Variants in VPS35 observed in about 807,000 individuals in gnomAD.
VPS35 encodes the protein vacuolar protein sorting-associated protein 35.
VPS35 carries 21 observed loss-of-function variants against 98.1 expected under a neutral mutation model. That is an observed-to-expected ratio of 0.21 (90% CI 0.15 to 0.31). The LOEUF is 0.31. VPS35 is among the 10% of genes least tolerant of loss of function. VPS35 has a pLI of 1.00. For synonymous variants in VPS35, 268 were observed against 318.2 expected, an observed-to-expected ratio of 0.84 and a Z score of 1.68; for missense variants, 554 against 950.8, an observed-to-expected ratio of 0.58 and a Z score of 5.49.
At position 46,657,980 on chromosome 16, in the gene VPS35, A is replaced by G. The variant is rs867577072; in HGVS notation, c.*2492T>C. ...TTACTAAAAAAGGAGAACAGGGAAT[A>G]GCAGACACACAAAGCACAAAGCCAA... On this transcript the variant is annotated 3_prime_UTR_variant, in exon 17 of 17. Coordinates refer to ENST00000299138, the MANE Select transcript of VPS35 (RefSeq NM_018206.6). The G allele has an allele frequency of 2.0e-5, 3 of 152,370 alleles. No individual in the cohort carries two copies. The highest frequency in any genetic ancestry group is 3.4e-3 in the Middle Eastern group (1 of 294). The allele number at this position is 152,370 out of a possible 1,614,324, so 9.4% of individuals were successfully genotyped here.
Position 46,660,189 on chromosome 16 carries a change from G to GTTTTT in VPS35, c.*282_*283insAAAAA, listed in dbSNP as rs369756092. 9.3e-3 allele frequency: 916 copies of GTTTTT among 98,292 alleles called. 190 individuals carry two copies. The highest frequency in any genetic ancestry group is 0.016 in the East Asian group (43 of 2,630). 6.1% of individuals were successfully genotyped at this position (98,292 alleles called of 1,614,324 possible). A position where few individuals can be genotyped will look rare whatever the true frequency, so the allele number is the denominator to read the frequency against. ...GCCAAGATAAGTGCTTGTGGGTTTT[G>GTTTTT]TGTTTTTTTTTTTTTTTTTTTTTAC... On this transcript the variant is annotated 3_prime_UTR_variant, in exon 17 of 17. Transcript: ENST00000299138.
chr16:46,659,773 T>C lies in VPS35; in HGVS notation c.*699A>G, dbSNP rs894312500. The C allele has an allele frequency of 1.3e-5, 2 of 152,162 alleles. No individual in the cohort carries two copies. The highest frequency in any genetic ancestry group is 4.8e-5 in the African/African-American group (2 of 41,444). The allele number at this position is 152,162 out of a possible 1,614,324, so 9.4% of individuals were successfully genotyped here. A position where few individuals can be genotyped will look rare whatever the true frequency, so the allele number is the denominator to read the frequency against. On this transcript the variant is annotated 3_prime_UTR_variant, in exon 17 of 17. Transcript: ENST00000299138. ...ATTTACAATGAAGGTGATACATAAA[T>C]TATATAGATCACAAGTTTTCTTTTA...
intron 2 of VPS35, chr16:46,682,897 A>G (rs1249132970): frequency 6.4e-6 from 1 of 155,378 alleles, no homozygotes; most frequent in Admixed American, 6.3e-5. Context: ...AGTACTAACC[A>G]ATTTGGCTCA....
intron 2 of VPS35, chr16:46,683,067 A>G (rs1390699188): frequency 3.5e-5 from 6 of 169,680 alleles, no homozygotes; most frequent in Non-Finnish European, 7.7e-5. Flanking sequence ...AAAGTTTTCA[A>G]GATATTTAGA....
At position 46,688,980 on chromosome 16, in the gene VPS35, C is replaced by G. The variant is rs781613448; in HGVS notation, c.3+151G>C. 4.6e-6 allele frequency: 7 copies of G among 1,527,532 alleles called. No homozygotes were observed. The South Asian group carries it at 8.4e-5, about 18-fold the overall frequency. The allele number at this position is 1,527,532 out of a possible 1,614,324, so 94.6% of individuals were successfully genotyped here. A position where few individuals can be genotyped will look rare whatever the true frequency, so the allele number is the denominator to read the frequency against. On this transcript the variant is annotated intron_variant, in intron 1 of 16. Coordinates refer to ENST00000299138, the MANE Select transcript of VPS35 (RefSeq NM_018206.6). ...CAGCCTGCCCGCGGCCTTCCTCCTG[C>G]TGTCCCCTATCCCGCAGGCCAAATC...
rs916662253 is a variant in VPS35, at chr16:46,688,033, G to A, written c.3+1098C>T. Among the ~76,000 whole-genome samples, 3 of 152,172 alleles carry A rather than the reference G, an allele frequency of 2.0e-5. No individual in the cohort carries two copies. The East Asian group carries it at 5.8e-4, about 29-fold the overall frequency. ...CACAAATCCTAAAGTTAAATTTTGC[G>A]CCGGTCTTGTATCAATTCCCAATTA... On this transcript the variant is annotated intron_variant, in intron 1 of 16. Coordinates refer to ENST00000299138, the MANE Select transcript of VPS35 (RefSeq NM_018206.6).
At chr16:46,672,756 G>C (rs1966087669) in intron 10 of VPS35, among the ~76,000 whole-genome samples, 1 of 152,182 alleles carries the variant, frequency 6.6e-6, no homozygotes, top group Non-Finnish European at 1.5e-5. Context: ...TGACTGTCTA[G>C]AATTTGATGA....
At chr16:46,683,670 T>C (rs1330895361) in intron 1 of VPS35, 64 bp from the exon 2 acceptor site, 6 of 1,444,130 alleles carry the variant, frequency 4.2e-6, no homozygotes, top group Non-Finnish European at 5.7e-6. Flanking sequence ...GTTATTTCTA[T>C]AGTTCTAGCC....
intron 6 of VPS35, chr16:46,677,601 T>C (rs927142129): frequency 7.2e-6 from 4 of 553,362 alleles, no homozygotes; most frequent in Admixed American, 5.9e-5. Context: ...AGTGGCACAA[T>C]CTCCACTCAA....
In VPS35 at chr16:46,671,711, C is replaced by A; in HGVS notation, c.1518G>T (p.Gln506His). Residue 506 changes from glutamine (Q) to histidine (H), a missense_variant, in exon 12 of 17, where the codon CAG becomes CAT. Transcript: ENST00000299138. Reference protein sequence around the residue: ...HLLRSEDPDQQYLILNTARKH... With the variant: ...HLLRSEDPDQHYLILNTARKH... ...ACTAAGGGTAAACTCATACCAAGTA[C>A]TGCTGGTCAGGGTCCTCAGAGCGCA... 1 of 1,614,146 alleles carries A rather than the reference C, an allele frequency of 6.2e-7. No homozygotes were observed.
intron 13 of VPS35, among the ~76,000 whole-genome samples, 184 bp downstream of exon 13, chr16:46,668,746 C>T (rs910706797): frequency 6.6e-6 from 1 of 152,148 alleles, no homozygotes; most frequent in Non-Finnish European, 1.5e-5. Flanking sequence ...GATCCACCAC[C>T]ATCACCGTTA....
intron 13 of VPS35, among the ~76,000 whole-genome samples, chr16:46,668,226 C>G (rs1345944956): frequency 6.6e-6 from 1 of 152,160 alleles, no homozygotes; most frequent in Non-Finnish European, 1.5e-5. Context: ...AAGACCCTGT[C>G]TCTACTAAAA....
In VPS35 at chr16:46,656,539, T is replaced by C. The variant is rs564802979; in HGVS notation, c.*3933A>G. 9.2e-5 allele frequency: 14 copies of C among 152,370 alleles called. No individual in the cohort carries two copies. Among genetic ancestry groups the C allele is most frequent in the African/African-American group, 3.1e-4 (13 of 41,592 alleles). The allele number at this position is 152,370 out of a possible 1,614,324, so 9.4% of individuals were successfully genotyped here. A position where few individuals can be genotyped will look rare whatever the true frequency, so the allele number is the denominator to read the frequency against. Reference sequence around the variant, plus strand: ...AGAACTAACCTTGGGAAGTAATTTATAGTTTGACTCTCAAACACAATTGAT... The same window carrying C: ...AGAACTAACCTTGGGAAGTAATTTACAGTTTGACTCTCAAACACAATTGAT... On this transcript the variant is annotated 3_prime_UTR_variant, in exon 17 of 17. Transcript: ENST00000299138.
intron 8 of VPS35, 138 bp from the exon 9 acceptor site, chr16:46,674,798 T>C (rs1181574605): frequency 2.3e-6 from 2 of 887,622 alleles, no homozygotes; most frequent in Non-Finnish European, 3.5e-6. Context: ...TGTTTTGTTT[T>C]GTTTTGTTTT....
chr16:46,688,318 G>T, intron 1 of VPS35: 3 of 987,024 alleles, frequency 3.0e-6, no homozygotes, highest in Non-Finnish European at 3.6e-6. Context: ...ACTTGCCTTT[G>T]TGGGAACCAG....
chr16:46,664,111 C>G (rs1006431404), intron 13 of VPS35, among the ~76,000 whole-genome samples: 1 of 152,062 alleles, frequency 6.6e-6, no homozygotes, highest in Non-Finnish European at 1.5e-5. Flanking sequence ...CTACCACCCA[C>G]GGATAATCAC....
At chr16:46,678,188 CT>C (rs1966179275) in intron 6 of VPS35, among the ~76,000 whole-genome samples, 2 of 151,870 alleles carry the variant, frequency 1.3e-5, no homozygotes, top group South Asian at 4.1e-4. Flanking sequence ...CCTGTGGGTG[CT>C]TTTGCACCAT....
intron 6 of VPS35, 73 bp from the exon 7 acceptor site, chr16:46,677,471 T>C (rs1966169407): frequency 8.4e-7 from 1 of 1,184,102 alleles, no homozygotes; most frequent in South Asian, 1.2e-5. Flanking sequence ...TAGTAACGCA[T>C]TTGAACTACT....
chr16:46,680,215 TTAA>T (rs1389793336), intron 5 of VPS35, among the ~76,000 whole-genome samples: 1 of 152,094 alleles, frequency 6.6e-6, no homozygotes, highest in African/African-American at 2.4e-5. Flanking sequence ...TTCTCTGGAG[TTAA>T]TAGCTAACTC....
Sources: gnomAD v4.1 joint callset for allele counts (sites outside exome capture counted in the v4.1 genomes callset) on GRCh38, gnomAD v4.1.1 for gene constraint, MANE v1.5 for transcripts, NCBI Gene and HGNC (gene_info 2026-07-23, HGNC 2026-07-21) for gene names.